RAPGEF5: variants seen among roughly 807,000 people sequenced by gnomAD.
RAPGEF5 encodes the protein M-Ras-regulated GEF.
In RAPGEF5, 65 loss-of-function variants were observed where a neutral mutation model predicts 125.2. The ratio of observed to expected loss-of-function variants is 0.52; its 90% CI spans 0.43 to 0.64. RAPGEF5 has a LOEUF of 0.64. RAPGEF5 is among the 30% of genes least tolerant of loss of function. The pLI is 0.00. For synonymous variants in RAPGEF5, 391 were observed against 385.9 expected (o/e 1.01, Z -0.16); for missense variants, 958 against 1,048.1 (o/e 0.91, Z 1.19).
In RAPGEF5 at chr7:22,240,182, C is replaced by G. The variant is rs1786292527; in HGVS notation, c.797-9263G>C. 1.3e-5 allele frequency among the ~76,000 whole-genome samples: 2 copies of G among 148,814 alleles called. 1 individual carries two copies. Among genetic ancestry groups the G allele is most frequent in the South Asian group, 4.3e-4 (2 of 4,670 alleles). On this transcript the variant is annotated intron_variant, in intron 7 of 25. Transcript: ENST00000665637. Reference sequence around the variant, plus strand: ...CCAAAATCACGCCACTGCACTCCACCCTGGGCATCAGAGCAAGACTCCACC... The same window carrying G: ...CCAAAATCACGCCACTGCACTCCACGCTGGGCATCAGAGCAAGACTCCACC...
chr7:22,345,276 C>T (rs75087224), intron 1 of RAPGEF5, among the ~76,000 whole-genome samples: 2,584 of 152,266 alleles, frequency 0.017, 66 homozygotes, highest in African/African-American at 0.059. Flanking sequence ...ATTGTGGAGC[C>T]TCAGTTTTCT....
chr7:22,301,012 A>C (rs1452203759), intron 5 of RAPGEF5, among the ~76,000 whole-genome samples: 3 of 152,250 alleles, frequency 2.0e-5, no homozygotes, highest in Non-Finnish European at 2.9e-5. Context: ...CTGGGAAATA[A>C]AAGAAACGGA....
chr7:22,298,179 TG>T (rs1278897809), intron 5 of RAPGEF5, among the ~76,000 whole-genome samples: 5 of 115,056 alleles, frequency 4.3e-5, no homozygotes, highest in African/African-American at 8.0e-5. Flanking sequence ...TTCTGTTTTT[TG>T]TTTTTTTTTT....
chr7:22,160,664 T>A (rs1426129777), intron 13 of RAPGEF5, 49 bp from the exon 14 acceptor site: 2 of 1,499,348 alleles, frequency 1.3e-6, no homozygotes, highest in East Asian at 5.0e-5. Context: ...GCCCATTTTG[T>A]AGGGATTAAG....
intron 20 of RAPGEF5, among the ~76,000 whole-genome samples, chr7:22,143,611 T>C (rs888262311): frequency 4.6e-5 from 7 of 152,322 alleles, no homozygotes; most frequent in Admixed American, 3.3e-4. Flanking sequence ...TTGTCTCCAC[T>C]GAGTTGGCCT....
At position 22,285,565 on chromosome 7, in the gene RAPGEF5, T is replaced by A. The variant is rs1308236575; in HGVS notation, c.747+5610A>T. Among the ~76,000 whole-genome samples the A allele has an allele frequency of 2.6e-5, 4 of 152,218 alleles. No homozygotes were observed. The East Asian group carries it at 7.7e-4, about 29-fold the overall frequency. ...CAAAATAACAATTCTTGTTCAAAGA[T>A]GAATTTCTCCAATATATCAAATCCA... On this transcript the variant is annotated intron_variant, in intron 6 of 25. Transcript: ENST00000665637.
chr7:22,226,697 T>C (rs1177357700), intron 8 of RAPGEF5, among the ~76,000 whole-genome samples: 1 of 152,178 alleles, frequency 6.6e-6, no homozygotes, highest in Non-Finnish European at 1.5e-5. Flanking sequence ...TCGAACACCA[T>C]GCTGGGGCAT....
intron 6 of RAPGEF5, among the ~76,000 whole-genome samples, chr7:22,287,982 A>T (rs1373880023): frequency 6.6e-6 from 1 of 152,148 alleles, no homozygotes; most frequent in African/African-American, 2.4e-5. Context: ...GAAGAGATGA[A>T]ATCTTCCTCT....
intron 1 of RAPGEF5, among the ~76,000 whole-genome samples, chr7:22,323,246 T>C (rs999356708): frequency 6.6e-6 from 1 of 152,216 alleles, no homozygotes; most frequent in African/African-American, 2.4e-5. Flanking sequence ...CTTCCCATTG[T>C]TAAAGGGCAC....
At chr7:22,190,711 A>C (rs1784967054) in intron 11 of RAPGEF5, among the ~76,000 whole-genome samples, 1 of 152,164 alleles carries the variant, frequency 6.6e-6, no homozygotes. Flanking sequence ...CTGCACCTAC[A>C]TTTTCACAAA....
intron 7 of RAPGEF5, among the ~76,000 whole-genome samples, chr7:22,261,209 C>T (rs991633913): frequency 2.0e-5 from 3 of 151,948 alleles, no homozygotes; most frequent in African/African-American, 7.3e-5. Flanking sequence ...CAAAAATATA[C>T]ATTCAGGTTC....
chr7:22,284,646 T>C (rs959664778), intron 6 of RAPGEF5, among the ~76,000 whole-genome samples: 1 of 152,240 alleles, frequency 6.6e-6, no homozygotes, highest in Admixed American at 6.5e-5. Flanking sequence ...GGTAACAAGA[T>C]GTTCATGATC....
At chr7:22,180,220 T>C (rs1441681594) in intron 11 of RAPGEF5, among the ~76,000 whole-genome samples, 1 of 152,210 alleles carries the variant, frequency 6.6e-6, no homozygotes, top group Non-Finnish European at 1.5e-5. Context: ...TAAGCTTCTA[T>C]TTACAAAATT....
At chr7:22,354,115 T>C (rs1784379665) in intron 1 of RAPGEF5, among the ~76,000 whole-genome samples, 1 of 152,120 alleles carries the variant, frequency 6.6e-6, no homozygotes, top group African/African-American at 2.4e-5. Context: ...AAGCCTATAA[T>C]GCACCTGGGT....
intron 11 of RAPGEF5, among the ~76,000 whole-genome samples, chr7:22,172,370 T>A (rs746812022): frequency 2.2e-4 from 33 of 152,298 alleles, no homozygotes; most frequent in Admixed American, 3.9e-4. Flanking sequence ...GTGATCTGCA[T>A]GCCTCGGGCT....
At chr7:22,260,722 T>A (rs2686472) in intron 7 of RAPGEF5, among the ~76,000 whole-genome samples, 61,101 of 151,816 alleles carry the variant, frequency 0.4, 13,503 homozygotes, top group East Asian at 0.73. Context: ...AATACACATT[T>A]AAAAAATCCC....
chr7:22,137,093 T>G (rs1053511392), intron 21 of RAPGEF5, 110 bp from the exon 22 acceptor site: 1 of 759,814 alleles, frequency 1.3e-6, no homozygotes, highest in Non-Finnish European at 2.2e-6. Flanking sequence ...TTTCTGAACA[T>G]AAATACCTCT....
At chr7:22,156,704 G>C in intron 16 of RAPGEF5, 106 bp downstream of exon 16, 1 of 1,553,516 alleles carries the variant, frequency 6.4e-7, no homozygotes, top group Non-Finnish European at 8.7e-7. Flanking sequence ...TTATCTGAGG[G>C]GTGACAGCTG....
chr7:22,181,624 T>C (rs1784677834), intron 11 of RAPGEF5, among the ~76,000 whole-genome samples: 1 of 152,188 alleles, frequency 6.6e-6, no homozygotes. Context: ...TGTTCTGGGA[T>C]TTTGGTTGTT....
Sources: allele counts gnomAD v4.1 joint callset (sites outside exome capture counted in the v4.1 genomes callset), GRCh38; gene constraint gnomAD v4.1.1; transcripts MANE v1.5; gene names NCBI Gene and HGNC (gene_info 2026-07-23, HGNC 2026-07-21).